GSKIP: variants seen among roughly 807,000 people sequenced by gnomAD.
GSKIP encodes GSK3B interacting protein.
In GSKIP, 5 loss-of-function variants were observed where a neutral mutation model predicts 11.9. That is an observed-to-expected ratio of 0.42 (90% CI 0.22 to 0.89). GSKIP has a LOEUF of 0.89. GSKIP is among the 40% of genes least tolerant of loss of function. The probability of loss-of-function intolerance (pLI) is 0.29; values close to 1 mark genes in which losing one functional copy is unlikely to be tolerated. For missense variants in GSKIP, 150 were observed against 166.6 expected (o/e 0.90, Z 0.55); for synonymous variants, 70 against 62.9 (o/e 1.11, Z -0.54).
chr14:96,369,740 AG>A (rs1888993034), intron 1 of GSKIP, among the ~76,000 whole-genome samples: 1 of 152,098 alleles, frequency 6.6e-6, no homozygotes, highest in African/African-American at 2.4e-5. Flanking sequence ...TAGATTTTAG[AG>A]GATGTATCAG....
chr14:96,384,775 G>A (rs930196317), intron 3 of GSKIP: 3 of 151,246 alleles, frequency 2.0e-5, no homozygotes, highest in Admixed American at 1.3e-4. Context: ...TTCACACATC[G>A]ACCTGGTATT....
intron 1 of GSKIP, among the ~76,000 whole-genome samples, chr14:96,375,794 G>C (rs1035647576): frequency 1.6e-4 from 24 of 152,222 alleles, no homozygotes; most frequent in African/African-American, 5.3e-4. Flanking sequence ...CACATTTGGA[G>C]AGGGCCTTCT....
intron 1 of GSKIP, among the ~76,000 whole-genome samples, chr14:96,375,128 A>G (rs940775443): frequency 1.3e-5 from 2 of 152,222 alleles, no homozygotes; most frequent in Admixed American, 6.5e-5. Flanking sequence ...GATGTATACT[A>G]TAAGCTTTAA....
chr14:96,373,229 C>CAA (rs57931398), intron 1 of GSKIP, among the ~76,000 whole-genome samples: 1,540 of 82,570 alleles, frequency 0.019, 66 homozygotes, highest in Non-Finnish European at 0.024. Context: ...GACTCTGTCT[C>CAA]AAAAAAAAAA....
chr14:96,379,414 G>A (rs1473482065), intron 1 of GSKIP, among the ~76,000 whole-genome samples: 1 of 152,166 alleles, frequency 6.6e-6, no homozygotes, highest in Non-Finnish European at 1.5e-5. Flanking sequence ...TACTTAGTAC[G>A]GGAAGGGAGC....
chr14:96,376,880 A>G (rs1406690460), intron 1 of GSKIP, among the ~76,000 whole-genome samples: 2 of 152,194 alleles, frequency 1.3e-5, no homozygotes, highest in Non-Finnish European at 2.9e-5. Context: ...CAAGTAGACA[A>G]GATTATAAAA....
At position 96,366,753 on chromosome 14, in the gene GSKIP, AG is replaced by A. The variant is rs544392518; in HGVS notation, c.-103+3186del. ...AAAAAATAATAATAAATTTTAAAAA[AG>A]AAAATAATTACCCAACCGAATATTG... On this transcript the variant is annotated intron_variant, in intron 1 of 3. Coordinates refer to ENST00000555181, the MANE Select transcript of GSKIP (RefSeq NM_016472.5). Among the ~76,000 whole-genome samples, 296 of 151,762 alleles carry A rather than the reference AG, an allele frequency of 2.0e-3. 13 individuals carry two copies. In the South Asian group the frequency reaches 0.043, roughly 22 times the overall value.
At chr14:96,369,798 G>C (rs1338820644) in intron 1 of GSKIP, among the ~76,000 whole-genome samples, 1 of 152,160 alleles carries the variant, frequency 6.6e-6, no homozygotes, top group Non-Finnish European at 1.5e-5. Context: ...TTGCCAAGCA[G>C]AAATGTGGTG....
Position 96,382,567 on chromosome 14 carries a change from A to C in GSKIP, c.258+62A>C, listed in dbSNP as rs112743124. On this transcript the variant is annotated intron_variant, in intron 3 of 3. Transcript: ENST00000555181. ...ATGTCTTTACCACTTTATCAAAAAG[A>C]GGGGTAGTGGGGAGGGGAAGAGTGT... 1.2e-3 allele frequency: 1,577 copies of C among 1,275,950 alleles called. 17 individuals are homozygous for C. In the African/African-American group the frequency reaches 0.021, roughly 17 times the overall value. The allele number at this position is 1,275,950 out of a possible 1,614,324, so 79.0% of individuals were successfully genotyped here. A position where few individuals can be genotyped will look rare whatever the true frequency, so the allele number is the denominator to read the frequency against.
intron 1 of GSKIP, chr14:96,363,814 G>A (rs1888776293): frequency 6.6e-6 from 1 of 152,424 alleles, no homozygotes; most frequent in South Asian, 2.1e-4. Context: ...CACACTTGGG[G>A]CTCCGCCGTC....
intron 2 of GSKIP, chr14:96,380,437 C>T (rs1889314292): frequency 6.6e-6 from 1 of 152,090 alleles, no homozygotes; most frequent in African/African-American, 2.4e-5. Flanking sequence ...AGTGGCTGCA[C>T]AGCAAAATCA....
Position 96,386,970 on chromosome 14 carries a change from AG to A in GSKIP, c.*1288del, listed in dbSNP as rs1162364055. On this transcript the variant is annotated 3_prime_UTR_variant, in exon 4 of 4. Coordinates refer to ENST00000555181, the MANE Select transcript of GSKIP (RefSeq NM_016472.5). ...TATTTTTCCATCATTATTAAAAAACAGGAACTTTTAGGCTCTGAAGATCATG... is the reference window on the plus strand; with the variant it reads ...TATTTTTCCATCATTATTAAAAAACAGAACTTTTAGGCTCTGAAGATCATG... 2.6e-5 allele frequency: 4 copies of A among 152,310 alleles called. No individual in the cohort carries two copies. Among genetic ancestry groups the A allele is most frequent in the Admixed American group, 1.3e-4 (2 of 15,280 alleles). The allele number at this position is 152,310 out of a possible 1,614,324, so 9.4% of individuals were successfully genotyped here.
intron 1 of GSKIP, among the ~76,000 whole-genome samples, chr14:96,371,149 A>G (rs980667284): frequency 6.6e-6 from 1 of 152,220 alleles, no homozygotes; most frequent in Non-Finnish European, 1.5e-5. Context: ...CTTTGCCTAA[A>G]TTCTAAATCT....
At chr14:96,381,693 A>G (rs1459836115) in intron 2 of GSKIP, among the ~76,000 whole-genome samples, 2 of 152,242 alleles carry the variant, frequency 1.3e-5, no homozygotes, top group Non-Finnish European at 2.9e-5. Context: ...ATATTACAAC[A>G]ATGAGCTATC....
intron 1 of GSKIP, among the ~76,000 whole-genome samples, chr14:96,366,481 T>C (rs1190360483): frequency 6.6e-6 from 1 of 152,250 alleles, no homozygotes; most frequent in Non-Finnish European, 1.5e-5. Flanking sequence ...CATTATGATA[T>C]CTTTGGCTAC....
At chr14:96,376,433 G>C (rs1449395191) in intron 1 of GSKIP, among the ~76,000 whole-genome samples, 1 of 152,046 alleles carries the variant, frequency 6.6e-6, no homozygotes, top group Non-Finnish European at 1.5e-5. Flanking sequence ...AATTTTGACT[G>C]ACCTGTACCC....
intron 1 of GSKIP, among the ~76,000 whole-genome samples, chr14:96,374,087 G>T (rs961303211): frequency 1.3e-5 from 2 of 152,028 alleles, no homozygotes; most frequent in African/African-American, 4.8e-5. Context: ...ACTTATTATG[G>T]CTGTATTTTA....
At chr14:96,370,726 C>T (rs553708158) in intron 1 of GSKIP, among the ~76,000 whole-genome samples, 55 of 152,282 alleles carry the variant, frequency 3.6e-4, no homozygotes, top group African/African-American at 1.3e-3. Context: ...CCTTCCACCA[C>T]GAGCGGAAGC....
chr14:96,375,753 A>G (rs1291748046), intron 1 of GSKIP, among the ~76,000 whole-genome samples: 1 of 152,152 alleles, frequency 6.6e-6, no homozygotes, highest in Non-Finnish European at 1.5e-5. Flanking sequence ...TCTTATAGTA[A>G]TGGAGGCTGA....
Sources: allele counts gnomAD v4.1 joint callset (sites outside exome capture counted in the v4.1 genomes callset), GRCh38; gene constraint gnomAD v4.1.1; transcripts MANE v1.5; gene names NCBI Gene and HGNC (gene_info 2026-07-23, HGNC 2026-07-21).